The following EXOSC4 variants were observed in gnomAD, a reference collection of about 807,000 sequenced individuals.
EXOSC4 encodes exosome complex component RRP41.
In EXOSC4, 14 loss-of-function variants were observed where a neutral mutation model predicts 20.0. The observed-to-expected ratio is 0.70, with a 90% CI of 0.46 to 1.09. EXOSC4 has a LOEUF of 1.09. Ranked by LOEUF, EXOSC4 falls within the 50% of genes least tolerant of loss-of-function variation. The pLI is 0.00. For synonymous variants in EXOSC4, 148 were observed against 146.4 expected (o/e 1.01, Z -0.08); for missense variants, 337 against 334.0 (o/e 1.01, Z -0.07).
chr8:144,077,024 T>C (rs1226035198), upstream of EXOSC4, among the ~76,000 whole-genome samples: 52 of 151,350 alleles, frequency 3.4e-4, no homozygotes, highest in African/African-American at 1.2e-3. Flanking sequence ...TGAGCTGAGA[T>C]TGTGCCACTG....
At chr8:144,072,476 C>T in the EXOSC4 span, among the ~76,000 whole-genome samples, 28 of 152,194 alleles carry the variant, frequency 1.8e-4, no homozygotes, top group Middle Eastern at 3.4e-3. Flanking sequence ...CCACCGCGCC[C>T]GACCTACAAT....
Position 144,080,340 on chromosome 8 carries a change from G to A in EXOSC4, c.477G>A (p.Ala159=), listed in dbSNP as rs556902394. ...TACCCATGAGAGACTTTGTGTGTGC[G>A]TGCTCAGCTGGCTTCGTGGACGGCA... ...AGIPMRDFVC[A]CSAGFVDGTA... Residue 159 remains alanine (A), a synonymous_variant, in exon 3 of 3, where the codon GCG becomes GCA. Coordinates refer to ENST00000316052, the MANE Select transcript of EXOSC4 (RefSeq NM_019037.3). This position sits in a 1 kb window ranked among gnomAD's most constrained non-coding sequence, Gnocchi z 4.9. The A allele has an allele frequency of 6.2e-6, 10 of 1,613,448 alleles. No individual in the cohort carries two copies. Among genetic ancestry groups the A allele is most frequent in the Admixed American group, 5.0e-5 (3 of 60,024 alleles).
chr8:144,075,526 C>T (rs1835829176), upstream of EXOSC4, among the ~76,000 whole-genome samples: 1 of 152,048 alleles, frequency 6.6e-6, no homozygotes, highest in Admixed American at 6.6e-5. Context: ...GCGCCCGGCC[C>T]ATGTCCAGCT....
At chr8:144,064,779 G>A in the EXOSC4 span, among the ~76,000 whole-genome samples, 1,695 of 152,156 alleles carry the variant, frequency 0.011, 19 homozygotes, top group South Asian at 0.03. Context: ...CTCACCCTCA[G>A]TGGTGACAGT....
At position 144,078,753 on chromosome 8, in the gene EXOSC4, G is replaced by A; in HGVS notation, c.25G>A (p.Asp9Asn). 2.0e-6 allele frequency: 3 copies of A among 1,503,564 alleles called. No homozygotes were observed. Among genetic ancestry groups the A allele is most frequent in the Non-Finnish European group, 2.7e-6 (3 of 1,126,016 alleles). The allele number at this position is 1,503,564 out of a possible 1,614,324, so 93.1% of individuals were successfully genotyped here. Reference protein sequence around the residue: MAGLELLSDQGYRVDGRRA... With the variant: MAGLELLSNQGYRVDGRRA... The stretch of plus-strand genomic sequence containing the variant: ...CATGGCGGGGCTGGAGCTCTTGTCG[G>A]ACCAGGGCTACCGGGTGGACGGGCG... The change falls in exon 1 of 3, where the codon GAC becomes AAC. Residue 9 changes from aspartate (D) to asparagine (N), a missense_variant. Transcript: ENST00000316052. This position sits in a 1 kb window ranked among gnomAD's most constrained non-coding sequence, Gnocchi z 4.7.
At chr8:144,077,837 C>A (rs1329800290), upstream of EXOSC4, among the ~76,000 whole-genome samples, 3 of 152,166 alleles carry the variant, frequency 2.0e-5, no homozygotes, top group African/African-American at 7.2e-5. Context: ...GCCTGACAGG[C>A]ACAGATGAGG....
the EXOSC4 span, among the ~76,000 whole-genome samples, chr8:144,072,380 CA>C: frequency 6.6e-6 from 1 of 152,158 alleles, no homozygotes; most frequent in Admixed American, 6.5e-5. Flanking sequence ...GGGATTTCAC[CA>C]TGGTGGCCAG....
At chr8:144,071,716 C>T in the EXOSC4 span, among the ~76,000 whole-genome samples, 1 of 151,926 alleles carries the variant, frequency 6.6e-6, no homozygotes, top group East Asian at 1.9e-4. Context: ...GTGGCTTATG[C>T]CTGTGATCCC....
At chr8:144,072,357 T>A in the EXOSC4 span, among the ~76,000 whole-genome samples, 1 of 152,196 alleles carries the variant, frequency 6.6e-6, no homozygotes, top group African/African-American at 2.4e-5. Flanking sequence ...ATTTTTATAT[T>A]TTTAGTAGAG....
chr8:144,071,452 C>T, the EXOSC4 span, among the ~76,000 whole-genome samples: 5 of 149,068 alleles, frequency 3.4e-5, no homozygotes, highest in East Asian at 2.0e-4. Flanking sequence ...ATTACAGGTG[C>T]GTGCCACCAC....
At chr8:144,079,810 G>A (rs1835877480) in intron 1 of EXOSC4, 133 bp from the exon 2 acceptor site, 1 of 880,222 alleles carries the variant, frequency 1.1e-6, no homozygotes, top group South Asian at 1.3e-5. Context: ...GCAAAACAGG[G>A]GGCTTTGTTT....
chr8:144,065,985 GT>G, the EXOSC4 span, among the ~76,000 whole-genome samples: 68 of 123,768 alleles, frequency 5.5e-4, no homozygotes, highest in Admixed American at 8.1e-4. Context: ...TAGTTTTTTT[GT>G]TTTTTTTTTT....
rs987425240 is a variant in EXOSC4 at position 144,080,295 on chromosome 8, G to A, written c.432G>A (p.Leu144=). 1 of 1,613,836 alleles carries A rather than the reference G, an allele frequency of 6.2e-7. No individual in the cohort carries two copies. Among genetic ancestry groups the A allele is most frequent in the Non-Finnish European group, 8.5e-7 (1 of 1,180,028 alleles). The part of the protein sequence containing the change: ...TYAACVNAAT[L]AVLDAGIPMR... ...CAGCTTGTGTGAATGCAGCCACGCT[G>A]GCAGTGCTGGATGCCGGGATACCCA... Residue 144 remains leucine, a synonymous_variant, in exon 3 of 3, where the codon CTG becomes CTA. Coordinates refer to ENST00000316052, the MANE Select transcript of EXOSC4 (RefSeq NM_019037.3). The surrounding 1 kb of genome is among the most constrained non-coding windows in gnomAD (Gnocchi z 4.9).
upstream of EXOSC4, among the ~76,000 whole-genome samples, chr8:144,073,766 G>A (rs911248226): frequency 2.6e-5 from 4 of 152,034 alleles, no homozygotes; most frequent in Non-Finnish European, 4.4e-5. Flanking sequence ...CATGAGAATC[G>A]CTTGAACACG....
At chr8:144,066,436 CTTTTTTTTT>C in the EXOSC4 span, among the ~76,000 whole-genome samples, 1 of 98,076 alleles carries the variant, frequency 1.0e-5, no homozygotes, top group Non-Finnish European at 1.9e-5. Flanking sequence ...GAGTTTTTCT[CTTTTTTTTT>C]TTTTTTTTTT....
chr8:144,065,723 A>G, the EXOSC4 span, among the ~76,000 whole-genome samples: 2 of 152,158 alleles, frequency 1.3e-5, no homozygotes, highest in Non-Finnish European at 2.9e-5. Flanking sequence ...CAACAGAATA[A>G]GACTCTGTCT....
chr8:144,075,076 T>A (rs1239107396), upstream of EXOSC4, among the ~76,000 whole-genome samples: 1 of 152,176 alleles, frequency 6.6e-6, no homozygotes, highest in African/African-American at 2.4e-5. Context: ...TATTTGTTTT[T>A]TGTTTTGACA....
chr8:144,073,292 A>G, the EXOSC4 span, among the ~76,000 whole-genome samples: 1 of 152,158 alleles, frequency 6.6e-6, no homozygotes, highest in Non-Finnish European at 1.5e-5. Context: ...AAGCTGAGGC[A>G]GGAGACTCGC....
upstream of EXOSC4, among the ~76,000 whole-genome samples, chr8:144,074,142 G>C (rs529014024): frequency 6.6e-6 from 1 of 152,304 alleles, no homozygotes; most frequent in African/African-American, 2.4e-5. Flanking sequence ...TCCCGGCTTG[G>C]GCCCCAACAA....
Sources: allele counts gnomAD v4.1 joint callset (sites outside exome capture counted in the v4.1 genomes callset), GRCh38; gene constraint gnomAD v4.1.1; non-coding constraint Gnocchi (gnomAD v3.1); transcripts MANE v1.5; gene names NCBI Gene and HGNC (gene_info 2026-07-23, HGNC 2026-07-21).